DERA: variants seen among roughly 807,000 people sequenced by gnomAD.
DERA encodes 2-deoxy-D-ribose 5-phosphate aldolase.
DERA carries 15 observed loss-of-function variants against 41.1 expected under a neutral mutation model. The observed-to-expected ratio is 0.37, with a 90% CI of 0.24 to 0.56. The LOEUF is 0.56. Ranked by LOEUF, DERA falls within the 20% of genes least tolerant of loss-of-function variation. The pLI is 0.81. For missense variants in DERA, 396 were observed against 403.4 expected (o/e 0.98, Z 0.16); for synonymous variants, 139 against 137.4 (o/e 1.01, Z -0.08).
At position 16,010,046 on chromosome 12, in the gene DERA, A is replaced by G. The variant is rs1948937245; in HGVS notation, c.638-22496A>G. On this transcript the variant is annotated intron_variant, in intron 6 of 8. Transcript: ENST00000428559. This position sits in a 1 kb window ranked among gnomAD's most constrained non-coding sequence, Gnocchi z 5.5. ...ATTAAGTGTGCAGTATAACCTATTCATCTGAAATATACATGATTACTGTAT... is the reference window on the plus strand; with the variant it reads ...ATTAAGTGTGCAGTATAACCTATTCGTCTGAAATATACATGATTACTGTAT... Among the ~76,000 whole-genome samples, 1 of 152,208 alleles carries G rather than the reference A, an allele frequency of 6.6e-6. No individual in the cohort carries two copies. The highest frequency in any genetic ancestry group is 1.5e-5 in the Non-Finnish European group (1 of 68,040).
chr12:15,937,995 C>A (rs150752482), intron 1 of DERA, among the ~76,000 whole-genome samples: 4 of 152,236 alleles, frequency 2.6e-5, no homozygotes, highest in African/African-American at 9.6e-5. Context: ...TGAGGAAGCT[C>A]TAATATCTTG....
rs981847081 is a variant in DERA, at chr12:15,994,855, T to C, written c.637+12419T>C. 1.1e-4 allele frequency among the ~76,000 whole-genome samples: 17 copies of C among 152,146 alleles called. No individual in the cohort carries two copies. Among genetic ancestry groups the C allele is most frequent in the Non-Finnish European group, 2.4e-4 (16 of 68,020 alleles). The stretch of plus-strand genomic sequence containing the variant: ...TATGCATATTTATTGAATGAATAAA[T>C]GAAAAAAGAGTAATAAATCATGTGA... On this transcript the variant is annotated intron_variant, in intron 6 of 8. Transcript: ENST00000428559. This position sits in a 1 kb window ranked among gnomAD's most constrained non-coding sequence, Gnocchi z 4.8.
In DERA at chr12:16,036,785, T is replaced by C; in HGVS notation, c.*39T>C. The C allele has an allele frequency of 6.9e-7, 1 of 1,456,502 alleles. No individual in the cohort carries two copies. The allele number at this position is 1,456,502 out of a possible 1,614,324, so 90.2% of individuals were successfully genotyped here. Reference sequence around the variant, plus strand: ...TCCAGAAAAGTTCTTTACGACAATGTTTAAAAATTATTTTTCTACGTAATT... The same window carrying C: ...TCCAGAAAAGTTCTTTACGACAATGCTTAAAAATTATTTTTCTACGTAATT... On this transcript the variant is annotated 3_prime_UTR_variant, in exon 9 of 9. Transcript: ENST00000428559. This position sits in a 1 kb window ranked among gnomAD's most constrained non-coding sequence, Gnocchi z 4.9.
In DERA at chr12:15,911,413, C is replaced by A; in HGVS notation, c.30C>A (p.Leu10=). 1 of 1,409,516 alleles carries A rather than the reference C, an allele frequency of 7.1e-7. No individual in the cohort carries two copies. The highest frequency in any genetic ancestry group is 2.9e-5 in the East Asian group (1 of 34,970). The allele number at this position is 1,409,516 out of a possible 1,614,324, so 87.3% of individuals were successfully genotyped here. Residue 10 remains leucine (L), a splice_region_variant and synonymous_variant, in exon 1 of 9, where the codon CTC becomes CTA. Coordinates refer to ENST00000428559, the MANE Select transcript of DERA (RefSeq NM_015954.4). The surrounding 1 kb of genome is among the most constrained non-coding windows in gnomAD (Gnocchi z 4.5). The stretch of plus-strand genomic sequence containing the variant: ...CCGCGCACAATCGGGGCACCGAGCT[C>A]GGTAAGGGGCCCGCGGGGCTCCCCA... MSAHNRGTE[L]DLSWISKIQV...
rs539375697 is a variant in DERA at position 15,990,296 on chromosome 12, A to T, written c.637+7860A>T. The stretch of plus-strand genomic sequence containing the variant: ...AGCAGAATTGTTCAATGAATCTTAT[A>T]TTTGAACTTACTTTGCTAACACTTG... On this transcript the variant is annotated intron_variant, in intron 6 of 8. Transcript: ENST00000428559. This position sits in a 1 kb window ranked among gnomAD's most constrained non-coding sequence, Gnocchi z 4.3. Among the ~76,000 whole-genome samples the T allele has an allele frequency of 2.0e-5, 3 of 152,214 alleles. No homozygotes were observed. Among genetic ancestry groups the T allele is most frequent in the Non-Finnish European group, 4.4e-5 (3 of 68,030 alleles).
At chr12:15,963,716 C>T (rs540346724) in intron 5 of DERA, among the ~76,000 whole-genome samples, 2 of 152,200 alleles carry the variant, frequency 1.3e-5, no homozygotes, top group South Asian at 4.2e-4. Flanking sequence ...TATATTGTCT[C>T]TTTATATATC....
intron 1 of DERA, among the ~76,000 whole-genome samples, chr12:15,948,030 C>G (rs1248625563): frequency 6.6e-6 from 1 of 152,128 alleles, no homozygotes; most frequent in Non-Finnish European, 1.5e-5. Flanking sequence ...GAATATTGGC[C>G]CCCATTCTCT....
intron 5 of DERA, among the ~76,000 whole-genome samples, chr12:15,969,513 A>G (rs1469721530): frequency 2.6e-5 from 4 of 152,180 alleles, no homozygotes; most frequent in African/African-American, 9.7e-5. Flanking sequence ...TGGAAGTACC[A>G]TTCGTCTCCT....
chr12:16,002,201 T>G (rs1220352986), intron 6 of DERA, among the ~76,000 whole-genome samples: 1 of 149,700 alleles, frequency 6.7e-6, no homozygotes, highest in Non-Finnish European at 1.5e-5. Context: ...TTCTCATTGT[T>G]CAATTCCCAC....
intron 1 of DERA, among the ~76,000 whole-genome samples, chr12:15,944,062 CCTT>C (rs1247636728): frequency 6.6e-6 from 1 of 152,018 alleles, no homozygotes; most frequent in Non-Finnish European, 1.5e-5. Flanking sequence ...ATGAACTCAT[CCTT>C]CTTTATGGCT....
rs1346758803 is a variant in DERA at position 15,924,355 on chromosome 12, T to G, written c.31+12941T>G. Among the ~76,000 whole-genome samples the G allele has an allele frequency of 2.0e-5, 3 of 152,234 alleles. No individual in the cohort carries two copies. The highest frequency in any genetic ancestry group is 7.2e-5 in the African/African-American group (3 of 41,466). ...GACAAGGTTACAGTGATGATCATAC[T>G]GCTGTACTGTAGCCTGGGTGACAGA... is the stretch of plus-strand genomic sequence containing the variant. On this transcript the variant is annotated intron_variant, in intron 1 of 8. Transcript: ENST00000428559. The surrounding 1 kb of genome is among the most constrained non-coding windows in gnomAD (Gnocchi z 5.0).
At chr12:15,926,684 G>A (rs1158304378) in intron 1 of DERA, among the ~76,000 whole-genome samples, 2 of 151,034 alleles carry the variant, frequency 1.3e-5, no homozygotes, top group Non-Finnish European at 2.9e-5. Flanking sequence ...TGCAGTGAGC[G>A]GAGATCCCAC....
At chr12:16,034,256 A>G (rs1055029614) in intron 7 of DERA, among the ~76,000 whole-genome samples, 2 of 152,210 alleles carry the variant, frequency 1.3e-5, no homozygotes, top group Admixed American at 1.3e-4. Context: ...ACCATGTGCC[A>G]TGTTAACCTG....
rs1349164424 is a variant in DERA, at chr12:15,984,509, C to T, written c.637+2073C>T. Among the ~76,000 whole-genome samples, 2 of 152,072 alleles carry T rather than the reference C, an allele frequency of 1.3e-5. No homozygotes were observed. The highest frequency in any genetic ancestry group is 2.9e-5 in the Non-Finnish European group (2 of 68,028). On this transcript the variant is annotated intron_variant, in intron 6 of 8. Coordinates refer to ENST00000428559, the MANE Select transcript of DERA (RefSeq NM_015954.4). This position sits in a 1 kb window ranked among gnomAD's most constrained non-coding sequence, Gnocchi z 4.5. ...AAACCGTATTCATGGTGTGCTTTAC[C>T]AGGTACATTGAAACAATATTCCTTC...
intron 6 of DERA, among the ~76,000 whole-genome samples, chr12:15,997,360 A>T (rs566302863): frequency 2.0e-5 from 3 of 152,320 alleles, no homozygotes; most frequent in African/African-American, 7.2e-5. Flanking sequence ...TATAAGCCAA[A>T]TGAATGAAAA....
rs1012456581 is a variant in DERA, at chr12:15,984,926, T to A, written c.637+2490T>A. ...AATCTCCCCAAAAGTAATTTACAAA[T>A]TTCTGACTAAATTCTGTATTCTACT... On this transcript the variant is annotated intron_variant, in intron 6 of 8. Transcript: ENST00000428559. This position sits in a 1 kb window ranked among gnomAD's most constrained non-coding sequence, Gnocchi z 4.5. Among the ~76,000 whole-genome samples the A allele has an allele frequency of 2.0e-5, 3 of 152,232 alleles. No individual in the cohort carries two copies. The highest frequency in any genetic ancestry group is 4.4e-5 in the Non-Finnish European group (3 of 68,038).
At position 15,985,623 on chromosome 12, in the gene DERA, T is replaced by G. The variant is rs1439578168; in HGVS notation, c.637+3187T>G. ...TTTTCTAATTTCCCTTGTGATCTCT[T>G]TTGTTATTTAGAGTGCTATTTACAA... is the stretch of plus-strand genomic sequence containing the variant. On this transcript the variant is annotated intron_variant, in intron 6 of 8. Coordinates refer to ENST00000428559, the MANE Select transcript of DERA (RefSeq NM_015954.4). This position sits in a 1 kb window ranked among gnomAD's most constrained non-coding sequence, Gnocchi z 4.2. Among the ~76,000 whole-genome samples the G allele has an allele frequency of 6.6e-6, 1 of 152,120 alleles. No homozygotes were observed. Among genetic ancestry groups the G allele is most frequent in the Admixed American group, 6.5e-5 (1 of 15,270 alleles).
intron 5 of DERA, among the ~76,000 whole-genome samples, chr12:15,964,404 A>G (rs1487891957): frequency 2.6e-5 from 4 of 152,190 alleles, no homozygotes; most frequent in Non-Finnish European, 5.9e-5. Context: ...ATCAACATTT[A>G]TAATTCTTGC....
Position 15,981,368 on chromosome 12 carries a change from C to CA in DERA, c.509-933dup, listed in dbSNP as rs1948731783. ...ATCTCAAAAACCAAAAAACAAAAAA[C>CA]AAAAAAACCTACTTCCTATGAAAGA... is the stretch of plus-strand genomic sequence containing the variant. On this transcript the variant is annotated intron_variant, in intron 5 of 8. Transcript: ENST00000428559. The surrounding 1 kb of genome is among the most constrained non-coding windows in gnomAD (Gnocchi z 6.1). 6.6e-6 allele frequency among the ~76,000 whole-genome samples: 1 copy of CA among 151,822 alleles called. No homozygotes were observed. The highest frequency in any genetic ancestry group is 1.5e-5 in the Non-Finnish European group (1 of 67,916).
Sources: allele counts gnomAD v4.1 joint callset (sites outside exome capture counted in the v4.1 genomes callset), GRCh38; gene constraint gnomAD v4.1.1; non-coding constraint Gnocchi (gnomAD v3.1); transcripts MANE v1.5; gene names NCBI Gene and HGNC (gene_info 2026-07-23, HGNC 2026-07-21).